Variants in TCOF1 observed in about 807,000 individuals in gnomAD.
The protein encoded by TCOF1 is treacle protein.
Under a neutral mutation model 149.0 loss-of-function variants are expected in TCOF1, and 33 were observed. That is an observed-to-expected ratio of 0.22 (90% confidence interval 0.17 to 0.30). TCOF1 has a LOEUF of 0.30. TCOF1 is among the 10% of genes least tolerant of loss of function. The probability of loss-of-function intolerance (pLI) is 1.00; values close to 1 mark genes in which losing one functional copy is unlikely to be tolerated. For synonymous variants in TCOF1, 789 were observed against 738.8 expected (o/e 1.07, Z -1.10); for missense variants, 1,728 against 1,840.7 (o/e 0.94, Z 1.12).
chr5:150,362,818 A>T (rs1359159999), intron 2 of TCOF1, among the ~76,000 whole-genome samples: 1 of 151,994 alleles, frequency 6.6e-6, no homozygotes, highest in African/African-American at 2.4e-5. Flanking sequence ...CTTCCCCCAA[A>T]AAACTGCTTC....
intron 14 of TCOF1, 135 bp downstream of exon 14, chr5:150,376,755 C>T: frequency 1.1e-6 from 1 of 880,060 alleles, no homozygotes; most frequent in Non-Finnish European, 1.8e-6. Context: ...CAGCTTCCTT[C>T]CCTATCTTTC....
Position 150,376,521 on chromosome 5 carries a change from G to A in TCOF1, c.2241G>A (p.Thr747=), listed in dbSNP as rs756383080. ...CTGCTCCAGTACTCCCTGGGAAGACGGGGCCTACAGTCACCCAGGTGAAAG... is the reference window on the plus strand; with the variant it reads ...CTGCTCCAGTACTCCCTGGGAAGACAGGGCCTACAGTCACCCAGGTGAAAG... ...QGTAPVLPGK[T]GPTVTQVKAE... The change falls in exon 14 of 27, where the codon ACG becomes ACA. Residue 747 remains threonine, a synonymous_variant. Coordinates refer to ENST00000643257, the MANE Select transcript of TCOF1 (RefSeq NM_001371623.1). 21 of 1,611,930 alleles carry A rather than the reference G, an allele frequency of 1.3e-5. No individual in the cohort carries two copies. The highest frequency in any genetic ancestry group is 8.8e-5 in the South Asian group (8 of 90,838).
chr5:150,390,681 G>A (rs1396819734), intron 19 of TCOF1, among the ~76,000 whole-genome samples: 1 of 151,734 alleles, frequency 6.6e-6, no homozygotes, highest in South Asian at 2.1e-4. Flanking sequence ...TTGGGGGGCG[G>A]TGGGGCTGGT....
chr5:150,396,448 G>A lies in TCOF1; in HGVS notation c.3951G>A (p.Val1317=). Residue 1317 remains valine (V), a synonymous_variant, in exon 24 of 27, where the codon GTG becomes GTA. Transcript: ENST00000643257. ...AGGCCCAGGTGCAGGCCTCAGTGGT[G>A]AAGGTCCTGACTGAGCTGCTGGAAC... is the stretch of plus-strand genomic sequence containing the variant. ...LNEAQVQASV[V]KVLTELLEQE... 1.9e-6 allele frequency: 3 copies of A among 1,614,052 alleles called. No individual in the cohort carries two copies. Among genetic ancestry groups the A allele is most frequent in the Admixed American group, 1.7e-5 (1 of 60,026 alleles).
At chr5:150,367,700 G>T (rs1761659264) in intron 3 of TCOF1, 144 bp from the exon 4 acceptor site, 1 of 886,070 alleles carries the variant, frequency 1.1e-6, no homozygotes, top group South Asian at 1.4e-5. Context: ...GCTCATTCCT[G>T]CAAGTCTGGG....
intron 18 of TCOF1, 122 bp downstream of exon 18, chr5:150,388,210 T>C: frequency 2.2e-6 from 3 of 1,347,492 alleles, no homozygotes; most frequent in Non-Finnish European, 3.1e-6. Context: ...GGGCTTGGGG[T>C]CAGGTCTCTG....
intron 6 of TCOF1, 140 bp downstream of exon 6, chr5:150,369,742 C>A: frequency 1.1e-6 from 1 of 941,582 alleles, no homozygotes; most frequent in Non-Finnish European, 1.7e-6. Context: ...AAGGCTGCAG[C>A]CGGAGAGGGG....
chr5:150,358,858 G>A (rs1007462700), intron 1 of TCOF1, among the ~76,000 whole-genome samples: 6 of 150,824 alleles, frequency 4.0e-5, no homozygotes, highest in African/African-American at 1.5e-4. Flanking sequence ...AGAGATGGAT[G>A]GCAGATTGCC....
At chr5:150,365,874 A>G (rs910757977) in intron 3 of TCOF1, among the ~76,000 whole-genome samples, 1 of 151,520 alleles carries the variant, frequency 6.6e-6, no homozygotes, top group Non-Finnish European at 1.5e-5. Context: ...TAATCCCAGC[A>G]CTTTGGGAGG....
chr5:150,361,569 T>C (rs148540799), intron 2 of TCOF1, among the ~76,000 whole-genome samples: 1 of 152,302 alleles, frequency 6.6e-6, no homozygotes, highest in East Asian at 1.9e-4. Context: ...GCAGCTGACA[T>C]TGTAGCCAAG....
chr5:150,392,683 A>G lies in TCOF1; in HGVS notation c.3518-22A>G, dbSNP rs368318795. 189 of 1,613,458 alleles carry G rather than the reference A, an allele frequency of 1.2e-4. 2 individuals carry two copies. In the Middle Eastern group the frequency reaches 2.3e-3, roughly 20 times the overall value. On this transcript the variant is annotated intron_variant, in intron 21 of 26. Coordinates refer to ENST00000643257, the MANE Select transcript of TCOF1 (RefSeq NM_001371623.1). ...TGGCAGGGGCCACCTGGGGCTACCA[A>G]CAGGATACTGTGCTTCTCCAGTAGG...
At chr5:150,388,127 A>G (rs1766657871) in intron 18 of TCOF1, 39 bp downstream of exon 18, 1 of 1,611,804 alleles carries the variant, frequency 6.2e-7, no homozygotes, top group Non-Finnish European at 8.5e-7. Flanking sequence ...AGGGGCTGCC[A>G]GCACTGCCCC....
At chr5:150,362,392 G>T (rs1760329054) in intron 2 of TCOF1, among the ~76,000 whole-genome samples, 1 of 152,154 alleles carries the variant, frequency 6.6e-6, no homozygotes. Flanking sequence ...CATGAGGAAT[G>T]GTAGAGAGTA....
chr5:150,383,059 CAGA>C lies in TCOF1; in HGVS notation c.2859+3330_2859+3332del, dbSNP rs1765557418. The C allele has an allele frequency of 2.0e-6, 3 of 1,534,798 alleles. No individual in the cohort carries two copies. The African/African-American group carries it at 4.1e-5, about 21-fold the overall frequency. ...CGTGCTTATCCAGGTCTTGTCCCCTCAGAAGGACAGTAACTCCAAACCTGCCAG... is the reference window on the plus strand; with the variant it reads ...CGTGCTTATCCAGGTCTTGTCCCCTCAGGACAGTAACTCCAAACCTGCCAG... On this transcript the variant is annotated intron_variant, in intron 17 of 26. Coordinates refer to ENST00000643257, the MANE Select transcript of TCOF1 (RefSeq NM_001371623.1).
chr5:150,374,746 AAGCGGGAGGAGGACTCGCAGAGC>A lies in TCOF1; in HGVS notation c.1217_1239del (p.Arg406GlnfsTer7). 6.2e-7 allele frequency: 1 copy of A among 1,611,522 alleles called. No individual in the cohort carries two copies. The highest frequency in any genetic ancestry group is 8.5e-7 in the Non-Finnish European group (1 of 1,179,388). ...TGCAGTTGCCAAGGCCCAGGCGGGG[AAGCGGGAGGAGGACTCGCAGAGC>A]AGCAGCGAGGAATCGGACAGTGAGG... is the stretch of plus-strand genomic sequence containing the variant. On this transcript the variant is annotated frameshift_variant, in exon 9 of 27. Transcript: ENST00000643257. LOFTEE classifies it high-confidence loss of function.
chr5:150,393,050 C>G, intron 22 of TCOF1: 1 of 592,928 alleles, frequency 1.7e-6, no homozygotes, highest in Middle Eastern at 4.6e-4. Context: ...GGGTGATGTC[C>G]GGACAAAAAC....
At chr5:150,383,682 G>A in intron 17 of TCOF1, 1 of 1,524,054 alleles carries the variant, frequency 6.6e-7, no homozygotes, top group Non-Finnish European at 8.9e-7. Context: ...AAGAGGCTGA[G>A]GAAAGGTCCA....
At chr5:150,389,465 G>A (rs111373493) in intron 18 of TCOF1, among the ~76,000 whole-genome samples, 85 of 152,348 alleles carry the variant, frequency 5.6e-4, no homozygotes, top group Non-Finnish European at 1.0e-3. Flanking sequence ...TTTCAGGGTG[G>A]AGGGGTGAGG....
intron 6 of TCOF1, among the ~76,000 whole-genome samples, chr5:150,370,429 A>C (rs968093036): frequency 2.0e-5 from 3 of 152,190 alleles, no homozygotes; most frequent in African/African-American, 7.2e-5. Flanking sequence ...GATCTTGGCT[A>C]GCTGCAACTT....
Sources: gnomAD v4.1 joint callset for allele counts (sites outside exome capture counted in the v4.1 genomes callset) on GRCh38, gnomAD v4.1.1 for gene constraint, MANE v1.5 for transcripts, NCBI Gene and HGNC (gene_info 2026-07-23, HGNC 2026-07-21) for gene names.